SOX6: variants seen among roughly 807,000 people sequenced by gnomAD.
The protein encoded by SOX6 is transcription factor SOX-6.
SOX6 carries 11 observed loss-of-function variants against 97.8 expected under a neutral mutation model. That is an observed-to-expected ratio of 0.11 (90% confidence interval 0.07 to 0.19). The LOEUF (loss-of-function observed/expected upper bound fraction) is 0.19. Ranked by LOEUF, SOX6 falls within the 10% of genes least tolerant of loss-of-function variation. The probability of loss-of-function intolerance (pLI) is 1.00; values close to 1 mark genes in which losing one functional copy is unlikely to be tolerated. For synonymous variants in SOX6, 360 were observed against 371.4 expected, an observed-to-expected ratio of 0.97 and a Z score of 0.35; for missense variants, 810 against 1,039.5, an observed-to-expected ratio of 0.78 and a Z score of 3.04.
intron 1 of SOX6, among the ~76,000 whole-genome samples, chr11:16,381,777 C>G (rs1857829506): frequency 6.6e-6 from 1 of 151,768 alleles, no homozygotes; most frequent in Non-Finnish European, 1.5e-5. Flanking sequence ...TCTTATTCCC[C>G]CACTCCCTCC....
At chr11:16,661,328 T>G (rs1847764057) in intron 3 of SOX6, among the ~76,000 whole-genome samples, 1 of 152,220 alleles carries the variant, frequency 6.6e-6, no homozygotes, top group South Asian at 2.1e-4. Context: ...AATTTTTCTG[T>G]GTCTTAATAT....
At chr11:16,005,288 C>T (rs189811870) in intron 13 of SOX6, among the ~76,000 whole-genome samples, 31 of 151,852 alleles carry the variant, frequency 2.0e-4, no homozygotes, top group Middle Eastern at 6.8e-3. Context: ...ACGATATAGA[C>T]GAAAATATAA....
chr11:16,070,905 A>G (rs1283714833), intron 9 of SOX6, among the ~76,000 whole-genome samples: 1 of 152,166 alleles, frequency 6.6e-6, no homozygotes, highest in African/African-American at 2.4e-5. Flanking sequence ...TACAGAAGCA[A>G]TTCTTGAGTC....
rs975297403 is a variant in SOX6 at position 15,969,798 on chromosome 11, T to C, written c.*3011A>G. On this transcript the variant is annotated 3_prime_UTR_variant, in exon 16 of 16. Coordinates refer to ENST00000683767, the MANE Select transcript of SOX6 (RefSeq NM_001367873.1). The stretch of plus-strand genomic sequence containing the variant: ...AAATAAAATGAATTGATCCCTATGA[T>C]TGTCATTCTTAATTTCCATGGATAT... The C allele has an allele frequency of 9.2e-5, 14 of 152,244 alleles. No individual in the cohort carries two copies. Among genetic ancestry groups the C allele is most frequent in the East Asian group, 7.7e-4 (4 of 5,204 alleles). 9.4% of individuals were successfully genotyped at this position (152,244 alleles called of 1,614,324 possible). A position where few individuals can be genotyped will look rare whatever the true frequency, so the allele number is the denominator to read the frequency against.
At chr11:16,394,098 GA>G (rs542606185) in intron 1 of SOX6, among the ~76,000 whole-genome samples, 1 of 151,860 alleles carries the variant, frequency 6.6e-6, no homozygotes, top group Non-Finnish European at 1.5e-5. Context: ...GGCCTCAAAG[GA>G]ATCTACTGAC....
At chr11:15,992,136 T>C (rs1854072519) in intron 13 of SOX6, among the ~76,000 whole-genome samples, 1 of 152,160 alleles carries the variant, frequency 6.6e-6, no homozygotes, top group African/African-American at 2.4e-5. Context: ...AGGAGAAGAA[T>C]AGAAAATGCT....
chr11:16,338,598 C>T (rs958890411), intron 2 of SOX6, among the ~76,000 whole-genome samples: 1 of 151,990 alleles, frequency 6.6e-6, no homozygotes, highest in African/African-American at 2.4e-5. Context: ...TATAAGTACA[C>T]AGCTGGGAAA....
At chr11:16,551,757 C>T (rs1847690407) in intron 4 of SOX6, among the ~76,000 whole-genome samples, 2 of 152,018 alleles carry the variant, frequency 1.3e-5, no homozygotes, top group South Asian at 2.1e-4. Context: ...GCATGTGCCA[C>T]CATGCCCAGC....
chr11:16,188,131 C>T (rs1299335112), intron 4 of SOX6, among the ~76,000 whole-genome samples: 4 of 150,108 alleles, frequency 2.7e-5, no homozygotes, highest in African/African-American at 9.8e-5. Flanking sequence ...TGCAGGCTAG[C>T]ACTTGTTAGT....
At chr11:16,678,642 C>T (rs767273033) in intron 3 of SOX6, among the ~76,000 whole-genome samples, 22 of 152,190 alleles carry the variant, frequency 1.4e-4, no homozygotes, top group Non-Finnish European at 2.5e-4. Context: ...TGAAACAGGG[C>T]AGGACATTGC....
chr11:16,399,346 T>TTTTTATTTTATTTTA (rs527957234), intron 1 of SOX6, among the ~76,000 whole-genome samples: 2,442 of 150,076 alleles, frequency 0.016, 75 homozygotes, highest in African/African-American at 0.054. Flanking sequence ...TTTTATATTA[T>TTTTTATTTTATTTTA]TTTTATTTTA....
At chr11:16,025,356 C>T (rs1209377937) in intron 12 of SOX6, among the ~76,000 whole-genome samples, 3 of 152,162 alleles carry the variant, frequency 2.0e-5, no homozygotes, top group African/African-American at 7.2e-5. Flanking sequence ...TGTAAAATTA[C>T]ACAAACTCCT....
intron 10 of SOX6, 41 bp downstream of exon 10, chr11:16,055,711 T>C: frequency 6.2e-7 from 1 of 1,613,026 alleles, no homozygotes; most frequent in Non-Finnish European, 8.5e-7. Flanking sequence ...TTGTGAAACT[T>C]TTTTCTAAAC....
intron 6 of SOX6, among the ~76,000 whole-genome samples, chr11:16,170,510 T>C (rs780031990): frequency 2.0e-5 from 3 of 152,038 alleles, no homozygotes; most frequent in Admixed American, 6.6e-5. Flanking sequence ...CCACATTTTA[T>C]GGTTAATAAT....
intron 9 of SOX6, among the ~76,000 whole-genome samples, chr11:16,078,722 G>T (rs1237592216): frequency 6.6e-6 from 1 of 152,058 alleles, no homozygotes; most frequent in Non-Finnish European, 1.5e-5. Context: ...ATGAGTATGG[G>T]GTAGGCTGGG....
At chr11:16,299,542 TC>T (rs1318486047) in intron 3 of SOX6, among the ~76,000 whole-genome samples, 5 of 152,306 alleles carry the variant, frequency 3.3e-5, no homozygotes, top group Admixed American at 1.3e-4. Flanking sequence ...TATTTAACAT[TC>T]TTTTTTTTAA....
intron 3 of SOX6, among the ~76,000 whole-genome samples, chr11:16,680,864 G>T (rs1847921973): frequency 6.6e-6 from 1 of 152,146 alleles, no homozygotes; most frequent in Admixed American, 6.6e-5. Context: ...GACAAAGAAG[G>T]CCATTACATC....
At chr11:16,198,132 C>T (rs895839951) in intron 4 of SOX6, among the ~76,000 whole-genome samples, 6 of 151,886 alleles carry the variant, frequency 4.0e-5, no homozygotes, top group Non-Finnish European at 8.8e-5. Flanking sequence ...TGGCTCACTG[C>T]AGCCTCCACC....
At chr11:16,473,968 T>C (rs1055495504) in intron 1 of SOX6, among the ~76,000 whole-genome samples, 3 of 152,254 alleles carry the variant, frequency 2.0e-5, no homozygotes, top group Non-Finnish European at 4.4e-5. Context: ...ACTACATTTA[T>C]GTAATATTCT....
Sources: gnomAD v4.1 joint callset for allele counts (sites outside exome capture counted in the v4.1 genomes callset) on GRCh38, gnomAD v4.1.1 for gene constraint, MANE v1.5 for transcripts, NCBI Gene and HGNC (gene_info 2026-07-23, HGNC 2026-07-21) for gene names.